Variants in PCDH15 observed in about 807,000 individuals in gnomAD.
PCDH15 encodes the protein protocadherin related 15.
In PCDH15, 129 loss-of-function variants were observed where a neutral mutation model predicts 178.5. The observed-to-expected ratio is 0.72, with a 90% CI of 0.63 to 0.84. The LOEUF (loss-of-function observed/expected upper bound fraction) is 0.84. Among genes scored for constraint, PCDH15 ranks in the 40% least tolerant of loss-of-function variants. The pLI is 0.00. For synonymous variants in PCDH15, 800 were observed against 732.0 expected, an observed-to-expected ratio of 1.09 and a Z score of -1.50; for missense variants, 2,230 against 2,099.9, an observed-to-expected ratio of 1.06 and a Z score of -1.21.
At chr10:55,547,336 G>C (rs1314811753) in intron 2 of PCDH15, among the ~76,000 whole-genome samples, 1 of 152,162 alleles carries the variant, frequency 6.6e-6, no homozygotes, top group Admixed American at 6.5e-5. Flanking sequence ...ACACACATTA[G>C]AGTAAGATGC....
chr10:54,584,965 T>C (rs1590276543), intron 2 of PCDH15, among the ~76,000 whole-genome samples: 4 of 152,076 alleles, frequency 2.6e-5, no homozygotes, highest in East Asian at 3.9e-4. Flanking sequence ...AACAAGCAAA[T>C]GGTAGGTTTG....
At chr10:54,592,325 C>T (rs1590333220) in intron 2 of PCDH15, among the ~76,000 whole-genome samples, 2 of 151,684 alleles carry the variant, frequency 1.3e-5, no homozygotes, top group Non-Finnish European at 1.5e-5. Context: ...CCCTTCCTTC[C>T]TCCTTTCCTT....
intron 21 of PCDH15, among the ~76,000 whole-genome samples, chr10:53,989,927 C>G (rs971689534): frequency 1.6e-4 from 24 of 152,142 alleles, no homozygotes; most frequent in Non-Finnish European, 2.9e-5. Flanking sequence ...TTATAACACT[C>G]TTGGTCCTGA....
In PCDH15 at chr10:54,457,884, C is replaced by T. The variant is rs1054630398; in HGVS notation, c.157+69928G>A. Among the ~76,000 whole-genome samples the T allele has an allele frequency of 2.0e-5, 3 of 152,218 alleles. No individual in the cohort carries two copies. In the East Asian group the frequency reaches 5.8e-4, roughly 29 times the overall value. On this transcript the variant is annotated intron_variant, in intron 3 of 37. Coordinates refer to ENST00000644397, the MANE Select transcript of PCDH15 (RefSeq NM_001384140.1). ...ACTCTGCATTCAGCACTGTTTTATG[C>T]CCAAACATAATACAATATTCCTGTT...
chr10:54,045,762 T>C (rs563625751), intron 18 of PCDH15, among the ~76,000 whole-genome samples: 2 of 152,242 alleles, frequency 1.3e-5, no homozygotes, highest in South Asian at 4.1e-4. Context: ...AAGCAGGTCC[T>C]TCATGACCTG....
intron 16 of PCDH15, among the ~76,000 whole-genome samples, chr10:54,081,777 T>C (rs1053648005): frequency 1.3e-5 from 2 of 152,128 alleles, no homozygotes; most frequent in Non-Finnish European, 2.9e-5. Context: ...TGATAAAGCA[T>C]CAATAACACT....
chr10:55,170,882 A>AAAAAAAAG (rs1435206456), intron 1 of PCDH15, among the ~76,000 whole-genome samples: 1 of 151,784 alleles, frequency 6.6e-6, no homozygotes, highest in East Asian at 1.9e-4. Context: ...ACTCCATCTC[A>AAAAAAAAG]AAAAAAAGAA....
rs1052587266 is a variant in PCDH15, at chr10:53,809,452, G to T, written c.4671+1104C>A. 6.2e-7 allele frequency: 1 copy of T among 1,613,866 alleles called. No individual in the cohort carries two copies. Among genetic ancestry groups the T allele is most frequent in the East Asian group, 2.2e-5 (1 of 44,886 alleles). ...CTTCCATGTTGTGTATGTAGGCTCA[G>T]CTGCTGGTGGTTTTTCGATAGTTAC... is the stretch of plus-strand genomic sequence containing the variant. On this transcript the variant is annotated intron_variant, in intron 37 of 37. Transcript: ENST00000644397.
chr10:53,848,020 T>C (rs897546364), intron 28 of PCDH15, among the ~76,000 whole-genome samples: 3 of 152,078 alleles, frequency 2.0e-5, no homozygotes, highest in Non-Finnish European at 4.4e-5. Context: ...ATAAACATTT[T>C]GTGGAGTTTA....
At chr10:53,998,531 G>C (rs1053791572) in intron 20 of PCDH15, among the ~76,000 whole-genome samples, 1 of 152,066 alleles carries the variant, frequency 6.6e-6, no homozygotes, top group African/African-American at 2.4e-5. Flanking sequence ...CCAAGAAGAT[G>C]TAAGGAATCT....
chr10:55,609,537 C>A (rs1843316124), intron 2 of PCDH15, among the ~76,000 whole-genome samples: 1 of 151,960 alleles, frequency 6.6e-6, no homozygotes, highest in Non-Finnish European at 1.5e-5. Context: ...TCCCTGTGTA[C>A]CTAACTATTG....
intron 2 of PCDH15, among the ~76,000 whole-genome samples, chr10:54,968,196 A>T (rs1478476373): frequency 2.6e-5 from 4 of 152,130 alleles, no homozygotes. Flanking sequence ...CTGTATTCCA[A>T]CGTGGCATAT....
At chr10:55,476,084 T>C (rs891895846) in intron 2 of PCDH15, among the ~76,000 whole-genome samples, 1 of 152,100 alleles carries the variant, frequency 6.6e-6, no homozygotes, top group Non-Finnish European at 1.5e-5. Flanking sequence ...ACAAGAACTT[T>C]GCTTGGTTCA....
chr10:54,216,755 TTAA>T (rs1348233346), intron 9 of PCDH15, among the ~76,000 whole-genome samples: 1 of 152,138 alleles, frequency 6.6e-6, no homozygotes, highest in Non-Finnish European at 1.5e-5. Flanking sequence ...CAAAATAATA[TTAA>T]TGTTTACTTT....
chr10:54,179,450 A>G (rs1046134128), intron 13 of PCDH15, among the ~76,000 whole-genome samples: 4 of 151,648 alleles, frequency 2.6e-5, no homozygotes, highest in African/African-American at 9.7e-5. Flanking sequence ...GGATAGCATT[A>G]GGAGATATAC....
At position 54,283,534 on chromosome 10, in the gene PCDH15, C is replaced by CTAGA. The variant is rs1190530567; in HGVS notation, c.876+33736_876+33737insTCTA. Among the ~76,000 whole-genome samples the CTAGA allele has an allele frequency of 5.4e-4, 82 of 151,900 alleles. 1 individual carries two copies. Among genetic ancestry groups the CTAGA allele is most frequent in the African/African-American group, 1.9e-3 (77 of 41,422 alleles). ...TATTCTCTGGGAACTAGCTAGCTAG[C>CTAGA]TAGCTAGATAGATATAGATGTTTCT... is the stretch of plus-strand genomic sequence containing the variant. On this transcript the variant is annotated intron_variant, in intron 8 of 37. Transcript: ENST00000644397.
At chr10:54,580,307 C>A (rs2090919035) in intron 2 of PCDH15, among the ~76,000 whole-genome samples, 1 of 151,880 alleles carries the variant, frequency 6.6e-6, no homozygotes, top group Admixed American at 6.6e-5. Flanking sequence ...CACATGGAAA[C>A]CGAAAAGATC....
chr10:54,267,755 A>G (rs1367637578), intron 8 of PCDH15, among the ~76,000 whole-genome samples: 1 of 151,904 alleles, frequency 6.6e-6, no homozygotes, highest in Non-Finnish European at 1.5e-5. Flanking sequence ...GAACTACAAA[A>G]CACTGCTGAA....
At chr10:54,986,308 A>T (rs532069577) in intron 2 of PCDH15, among the ~76,000 whole-genome samples, 34 of 151,424 alleles carry the variant, frequency 2.2e-4, no homozygotes, top group African/African-American at 8.1e-4. Context: ...GCAAGAGCAA[A>T]ATACAGCCAG....
Sources: allele counts gnomAD v4.1 joint callset (sites outside exome capture counted in the v4.1 genomes callset), GRCh38; gene constraint gnomAD v4.1.1; transcripts MANE v1.5; gene names NCBI Gene and HGNC (gene_info 2026-07-23, HGNC 2026-07-21).